Variants in RAB3IP observed in about 807,000 individuals in gnomAD.
RAB3IP encodes rab-3A-interacting protein.
In RAB3IP, 36 loss-of-function variants were observed where a neutral mutation model predicts 59.1. That is an observed-to-expected ratio of 0.61 (90% CI 0.47 to 0.80). The LOEUF is 0.80. Ranked by LOEUF, RAB3IP falls within the 30% of genes least tolerant of loss-of-function variation. RAB3IP has a pLI of 0.00. For missense variants in RAB3IP, 511 were observed against 536.0 expected (o/e 0.95, Z 0.46); for synonymous variants, 207 against 191.2 (o/e 1.08, Z -0.68).
chr12:69,766,831 C>A (rs1872289009), intron 3 of RAB3IP, among the ~76,000 whole-genome samples: 1 of 152,110 alleles, frequency 6.6e-6, no homozygotes, highest in Admixed American at 6.6e-5. Flanking sequence ...CGGTGCAGAA[C>A]CTCTGATTTC....
intron 8 of RAB3IP, among the ~76,000 whole-genome samples, chr12:69,808,150 C>T (rs1403044193): frequency 6.6e-6 from 1 of 152,084 alleles, no homozygotes; most frequent in Admixed American, 6.5e-5. Context: ...TGTTATGTAC[C>T]CAGTAGTCAT....
At chr12:69,766,688 T>C (rs993888290) in intron 3 of RAB3IP, among the ~76,000 whole-genome samples, 1 of 147,872 alleles carries the variant, frequency 6.8e-6, no homozygotes, top group Non-Finnish European at 1.5e-5. Context: ...TGCCCAGCTA[T>C]TTTTTTTTTG....
chr12:69,782,540 G>C (rs1874919623), intron 3 of RAB3IP, among the ~76,000 whole-genome samples: 1 of 122,096 alleles, frequency 8.2e-6, no homozygotes, highest in African/African-American at 2.6e-5. Flanking sequence ...TGTCATCTGT[G>C]TATCTGCCTT....
At chr12:69,761,216 T>G (rs532280060) in intron 3 of RAB3IP, among the ~76,000 whole-genome samples, 15 of 152,352 alleles carry the variant, frequency 9.8e-5, no homozygotes, top group African/African-American at 3.4e-4. Flanking sequence ...AAACTAGACA[T>G]TGTAGTTTTC....
chr12:69,754,627 T>TA (rs1318613316), intron 1 of RAB3IP, among the ~76,000 whole-genome samples: 2 of 152,032 alleles, frequency 1.3e-5, no homozygotes, highest in Non-Finnish European at 1.5e-5. Flanking sequence ...ATGCAGAGAG[T>TA]AAATGTTGAG....
At chr12:69,787,224 A>T (rs1239266426) in intron 4 of RAB3IP, among the ~76,000 whole-genome samples, 1 of 152,202 alleles carries the variant, frequency 6.6e-6, no homozygotes, top group African/African-American at 2.4e-5. Context: ...GTTGAGTTTT[A>T]AAAGTATCAA....
intron 8 of RAB3IP, among the ~76,000 whole-genome samples, chr12:69,810,838 T>A (rs1944250489): frequency 6.6e-6 from 1 of 152,086 alleles, no homozygotes; most frequent in Admixed American, 6.6e-5. Context: ...CACATGAAAA[T>A]GGGAAACAAG....
intron 8 of RAB3IP, among the ~76,000 whole-genome samples, chr12:69,811,561 T>C (rs1025439888): frequency 2.0e-5 from 3 of 152,218 alleles, no homozygotes; most frequent in Non-Finnish European, 4.4e-5. Flanking sequence ...ATTTTCCTCT[T>C]ATGCAAATTA....
chr12:69,805,257 A>G (rs1879060530), intron 8 of RAB3IP, among the ~76,000 whole-genome samples: 1 of 152,138 alleles, frequency 6.6e-6, no homozygotes, highest in Admixed American at 6.5e-5. Flanking sequence ...TCTTTGAAGC[A>G]GTTGTGAATG....
chr12:69,779,750 A>C (rs1411954389), intron 3 of RAB3IP, among the ~76,000 whole-genome samples: 1 of 143,392 alleles, frequency 7.0e-6, no homozygotes, highest in East Asian at 2.1e-4. Flanking sequence ...GTTTATCTGT[A>C]TTTTCTTGAA....
chr12:69,759,583 C>T (rs532971736), intron 3 of RAB3IP, among the ~76,000 whole-genome samples: 2 of 151,864 alleles, frequency 1.3e-5, no homozygotes, highest in South Asian at 4.2e-4. Flanking sequence ...CCTCCGACCT[C>T]CCGGACGGGG....
chr12:69,817,103 AAG>A lies in RAB3IP; in HGVS notation c.*1661_*1662del, dbSNP rs1456609044. 6.6e-6 allele frequency: 1 copy of A among 152,222 alleles called. No individual in the cohort carries two copies. The highest frequency in any genetic ancestry group is 2.4e-5 in the African/African-American group (1 of 41,462). The allele number at this position is 152,222 out of a possible 1,614,324, so 9.4% of individuals were successfully genotyped here. On this transcript the variant is annotated 3_prime_UTR_variant, in exon 11 of 11. Transcript: ENST00000247833. ...CTTTTGGAGAAAGTACCTAAATAAA[AAG>A]AGAAACAAATCCAGGAGATACTGTA...
intron 4 of RAB3IP, among the ~76,000 whole-genome samples, chr12:69,792,472 A>G (rs775852151): frequency 6.6e-5 from 10 of 152,336 alleles, no homozygotes; most frequent in Non-Finnish European, 1.2e-4. Flanking sequence ...CTGAGGCTGT[A>G]TATGTATACA....
chr12:69,741,950 T>G (rs552057570), intron 1 of RAB3IP, among the ~76,000 whole-genome samples: 90 of 152,364 alleles, frequency 5.9e-4, no homozygotes, highest in African/African-American at 2.1e-3. Flanking sequence ...CCAGAGATTT[T>G]TTTAAATCAA....
At chr12:69,787,788 A>G (rs1875933916) in intron 4 of RAB3IP, among the ~76,000 whole-genome samples, 1 of 142,556 alleles carries the variant, frequency 7.0e-6, no homozygotes, top group African/African-American at 2.4e-5. Flanking sequence ...TGTTACCTCC[A>G]TTATGATGAA....
chr12:69,798,861 A>G (rs774612850), intron 6 of RAB3IP, among the ~76,000 whole-genome samples: 3 of 152,190 alleles, frequency 2.0e-5, no homozygotes, highest in Non-Finnish European at 2.9e-5. Context: ...ATATGTTGGG[A>G]ACAAATACAT....
rs74430878 is a variant in RAB3IP at position 69,816,223 on chromosome 12, A to G, written c.*777A>G. 3.3e-3 allele frequency: 496 copies of G among 152,358 alleles called. 5 individuals carry two copies. Among genetic ancestry groups the G allele is most frequent in the African/African-American group, 0.011 (445 of 41,584 alleles). The allele number at this position is 152,358 out of a possible 1,614,324, so 9.4% of individuals were successfully genotyped here. On this transcript the variant is annotated 3_prime_UTR_variant, in exon 11 of 11. Transcript: ENST00000247833. Reference sequence around the variant, plus strand: ...TGAATGAATGGTACGTGCGAAGTATATGCTGATTATAGAACCACTTGATCT... The same window carrying G: ...TGAATGAATGGTACGTGCGAAGTATGTGCTGATTATAGAACCACTTGATCT...
At chr12:69,808,277 C>G (rs1362951227) in intron 8 of RAB3IP, among the ~76,000 whole-genome samples, 1 of 152,100 alleles carries the variant, frequency 6.6e-6, no homozygotes, top group African/African-American at 2.4e-5. Flanking sequence ...AATTTCTGTT[C>G]TTTTACATTT....
chr12:69,803,949 C>G (rs1878813981), intron 8 of RAB3IP, among the ~76,000 whole-genome samples: 1 of 152,140 alleles, frequency 6.6e-6, no homozygotes, highest in Admixed American at 6.5e-5. Context: ...AATAGTGCCG[C>G]AATAAACATA....
Sources: allele counts gnomAD v4.1 joint callset (sites outside exome capture counted in the v4.1 genomes callset), GRCh38; gene constraint gnomAD v4.1.1; transcripts MANE v1.5; gene names NCBI Gene and HGNC (gene_info 2026-07-23, HGNC 2026-07-21).